The following HS6ST3 variants were observed in gnomAD, a reference collection of about 807,000 sequenced individuals.
HS6ST3 encodes heparan-sulfate 6-O-sulfotransferase 3.
Under a neutral mutation model 36.7 loss-of-function variants are expected in HS6ST3, and 12 were observed. That is an observed-to-expected ratio of 0.33 (90% CI 0.21 to 0.53). The LOEUF (loss-of-function observed/expected upper bound fraction) is 0.53. HS6ST3 is among the 20% of genes least tolerant of loss of function. HS6ST3 has a pLI of 0.95. For missense variants in HS6ST3, 584 were observed against 640.9 expected, an observed-to-expected ratio of 0.91 and a Z score of 0.96; for synonymous variants, 240 against 257.5, an observed-to-expected ratio of 0.93 and a Z score of 0.65.
At chr13:96,574,071 A>G in intron 1 of HS6ST3, 1 of 542,460 alleles carries the variant, frequency 1.8e-6, no homozygotes, top group Non-Finnish European at 3.7e-6. Context: ...AAGTGGCTTC[A>G]TGGCTGCATT....
At chr13:96,195,568 A>ATGTGTG (rs2054308359) in intron 1 of HS6ST3, among the ~76,000 whole-genome samples, 2 of 152,078 alleles carry the variant, frequency 1.3e-5, no homozygotes, top group Non-Finnish European at 2.9e-5. Flanking sequence ...GTGGGACTCT[A>ATGTGTG]TTGCTTGATG....
chr13:96,652,010 A>G (rs1033887889), intron 1 of HS6ST3, among the ~76,000 whole-genome samples: 1 of 152,082 alleles, frequency 6.6e-6, no homozygotes, highest in Non-Finnish European at 1.5e-5. Flanking sequence ...TACCTGATAT[A>G]TAGTCTCAGG....
At chr13:96,580,878 A>C (rs1352336063) in intron 1 of HS6ST3, among the ~76,000 whole-genome samples, 4 of 152,168 alleles carry the variant, frequency 2.6e-5, no homozygotes, top group Non-Finnish European at 5.9e-5. Context: ...CCTTCCTAAA[A>C]TGATTGAAAA....
At chr13:96,584,881 A>G (rs980788589) in intron 1 of HS6ST3, among the ~76,000 whole-genome samples, 2 of 152,172 alleles carry the variant, frequency 1.3e-5, no homozygotes, top group African/African-American at 4.8e-5. Flanking sequence ...TGAGCCATTG[A>G]GGGTTCACTT....
At chr13:96,372,443 T>C (rs1254090152) in intron 1 of HS6ST3, among the ~76,000 whole-genome samples, 6 of 152,182 alleles carry the variant, frequency 3.9e-5, no homozygotes, top group African/African-American at 1.4e-4. Context: ...CTTTTTATTT[T>C]GTTGATTGGT....
intron 1 of HS6ST3, among the ~76,000 whole-genome samples, chr13:96,636,588 T>C (rs2056550571): frequency 6.6e-6 from 1 of 152,118 alleles, no homozygotes; most frequent in South Asian, 2.1e-4. Flanking sequence ...TATGAGTCAT[T>C]TTATTTACTC....
intron 1 of HS6ST3, among the ~76,000 whole-genome samples, chr13:96,566,216 AC>A (rs2056280752): frequency 6.6e-6 from 1 of 152,126 alleles, no homozygotes; most frequent in South Asian, 2.1e-4. Flanking sequence ...GAGAATCAAT[AC>A]AGAAAGCTAA....
intron 1 of HS6ST3, among the ~76,000 whole-genome samples, chr13:96,138,647 C>G (rs1234248287): frequency 6.6e-6 from 1 of 152,012 alleles, no homozygotes; most frequent in Non-Finnish European, 1.5e-5. Context: ...CCATCAACCA[C>G]AAATCAGATT....
rs541831267 is a variant in HS6ST3 at position 96,369,561 on chromosome 13, C to T, written c.707+277992C>T. ...CTGCAAGTTGTATTTTTCATACAAACGTGCAGAACTTCTAGCAAGCCCTGC... is the reference window on the plus strand; with the variant it reads ...CTGCAAGTTGTATTTTTCATACAAATGTGCAGAACTTCTAGCAAGCCCTGC... On this transcript the variant is annotated intron_variant, in intron 1 of 1. Transcript: ENST00000376705. Among the ~76,000 whole-genome samples, 16 of 152,260 alleles carry T rather than the reference C, an allele frequency of 1.1e-4. No individual in the cohort carries two copies. In the South Asian group the frequency reaches 2.1e-3, roughly 20 times the overall value.
At chr13:96,534,735 G>GA (rs2056148579) in intron 1 of HS6ST3, among the ~76,000 whole-genome samples, 1 of 152,088 alleles carries the variant, frequency 6.6e-6, no homozygotes, top group South Asian at 2.1e-4. Flanking sequence ...GAGGCAGGTG[G>GA]ATCACCTGAG....
At chr13:96,626,220 T>C (rs2056511863) in intron 1 of HS6ST3, among the ~76,000 whole-genome samples, 1 of 152,206 alleles carries the variant, frequency 6.6e-6, no homozygotes, top group South Asian at 2.1e-4. Context: ...TTCTATATTG[T>C]CTACATATAT....
intron 1 of HS6ST3, among the ~76,000 whole-genome samples, chr13:96,379,526 A>C (rs1301154609): frequency 6.6e-6 from 1 of 152,250 alleles, no homozygotes; most frequent in African/African-American, 2.4e-5. Flanking sequence ...TCTATTGTTT[A>C]TAAACTACCC....
Position 96,224,209 on chromosome 13 carries a change from A to G in HS6ST3, c.707+132640A>G, listed in dbSNP as rs566153926. Among the ~76,000 whole-genome samples, 5 of 152,278 alleles carry G rather than the reference A, an allele frequency of 3.3e-5. No individual in the cohort carries two copies. In the East Asian group the frequency reaches 9.7e-4, roughly 29 times the overall value. On this transcript the variant is annotated intron_variant, in intron 1 of 1. Coordinates refer to ENST00000376705, the MANE Select transcript of HS6ST3 (RefSeq NM_153456.4). Reference sequence around the variant, plus strand: ...CAGTTATCCATTGGTTCTTCAGGCTAATGATTGCAAATGAGACCCCAGAGC... The same window carrying G: ...CAGTTATCCATTGGTTCTTCAGGCTGATGATTGCAAATGAGACCCCAGAGC...
chr13:96,463,807 AC>A (rs2055797269), intron 1 of HS6ST3, among the ~76,000 whole-genome samples: 1 of 152,180 alleles, frequency 6.6e-6, no homozygotes, highest in Non-Finnish European at 1.5e-5. Context: ...TAAATGGCTC[AC>A]AACATGTGAC....
intron 1 of HS6ST3, among the ~76,000 whole-genome samples, chr13:96,774,975 G>A (rs770766053): frequency 1.3e-5 from 2 of 152,176 alleles, no homozygotes; most frequent in Non-Finnish European, 2.9e-5. Flanking sequence ...CAGACTAACA[G>A]TGGATCTCTC....
chr13:96,458,279 A>G (rs2055763991), intron 1 of HS6ST3, among the ~76,000 whole-genome samples: 1 of 152,114 alleles, frequency 6.6e-6, no homozygotes, highest in Admixed American at 6.6e-5. Flanking sequence ...TGTTTTAAGC[A>G]TTTATTTATG....
At chr13:96,134,730 G>A (rs750937179) in intron 1 of HS6ST3, among the ~76,000 whole-genome samples, 4 of 152,108 alleles carry the variant, frequency 2.6e-5, no homozygotes, top group African/African-American at 4.8e-5. Flanking sequence ...TGTCCTGACC[G>A]TCTCTCACAG....
intron 1 of HS6ST3, among the ~76,000 whole-genome samples, chr13:96,777,206 CT>C (rs1458340105): frequency 6.6e-6 from 1 of 152,178 alleles, no homozygotes; most frequent in East Asian, 1.9e-4. Flanking sequence ...ACAATAAGGG[CT>C]ATTCATGACA....
chr13:96,517,482 A>G (rs1001084777), intron 1 of HS6ST3, among the ~76,000 whole-genome samples: 7 of 152,332 alleles, frequency 4.6e-5, no homozygotes, highest in African/African-American at 1.7e-4. Flanking sequence ...CATGGGGAAC[A>G]ATGATCCAAT....
Sources: gnomAD v4.1 joint callset for allele counts (sites outside exome capture counted in the v4.1 genomes callset) on GRCh38, gnomAD v4.1.1 for gene constraint, MANE v1.5 for transcripts, NCBI Gene and HGNC (gene_info 2026-07-23, HGNC 2026-07-21) for gene names.